Variants in PDK1 observed in about 807,000 individuals in gnomAD.
PDK1 encodes the protein pyruvate dehydrogenase kinase 1.
In PDK1, 39 loss-of-function variants were observed where a neutral mutation model predicts 54.2. The observed-to-expected ratio is 0.72, with a 90% CI of 0.56 to 0.94. The LOEUF is 0.94. PDK1 is among the 40% of genes least tolerant of loss of function. The probability of loss-of-function intolerance (pLI) is 0.00; values close to 1 mark genes in which losing one functional copy is unlikely to be tolerated. For synonymous variants in PDK1, 221 were observed against 207.1 expected (o/e 1.07, Z -0.58); for missense variants, 552 against 566.0 (o/e 0.98, Z 0.25).
chr2:172,699,741 T>C, the PDK1 span, among the ~76,000 whole-genome samples: 1 of 150,932 alleles, frequency 6.6e-6, no homozygotes, highest in African/African-American at 2.4e-5. Flanking sequence ...TTTCTTTTTC[T>C]TTTTCTTTTT....
chr2:172,717,060 T>C, the PDK1 span, among the ~76,000 whole-genome samples: 1 of 152,208 alleles, frequency 6.6e-6, no homozygotes, highest in African/African-American at 2.4e-5. Context: ...GCACTTCCTG[T>C]TATTCACAGC....
chr2:172,589,882 C>A (rs1448829035), intron 9 of PDK1, among the ~76,000 whole-genome samples: 5 of 152,144 alleles, frequency 3.3e-5, no homozygotes, highest in Non-Finnish European at 5.9e-5. Flanking sequence ...ATTCTGGATA[C>A]TGGGACCAAA....
At chr2:172,617,586 G>A in the PDK1 span, among the ~76,000 whole-genome samples, 2 of 152,162 alleles carry the variant, frequency 1.3e-5, no homozygotes, top group East Asian at 1.9e-4. Context: ...AGAAGACCGA[G>A]ACAGCAAACC....
At chr2:172,590,350 T>C (rs908612088) in intron 9 of PDK1, among the ~76,000 whole-genome samples, 12 of 152,170 alleles carry the variant, frequency 7.9e-5, no homozygotes, top group African/African-American at 2.7e-4. Context: ...CTGCGGACCC[T>C]CATGGTGAGT....
rs1219316528 is a variant in PDK1 at position 172,602,739 on chromosome 2, A to G, written c.*6770A>G. On this transcript the variant is annotated 3_prime_UTR_variant, in exon 11 of 11. Coordinates refer to ENST00000282077, the MANE Select transcript of PDK1 (RefSeq NM_002610.5). ...CTGTGTTTGGGTAAACATTAGACTT[A>G]TAAAAGGGCCTAGGGTTTTTTTGTT... 1 of 152,214 alleles carries G rather than the reference A, an allele frequency of 6.6e-6. No individual in the cohort carries two copies. Among genetic ancestry groups the G allele is most frequent in the East Asian group, 1.9e-4 (1 of 5,198 alleles). 9.4% of individuals were successfully genotyped at this position (152,214 alleles called of 1,614,324 possible). A position where few individuals can be genotyped will look rare whatever the true frequency, so the allele number is the denominator to read the frequency against.
chr2:172,606,793 C>A lies in PDK1; in HGVS notation c.*10824C>A, dbSNP rs527721982. 1.1e-4 allele frequency: 16 copies of A among 151,128 alleles called. No homozygotes were observed. The highest frequency in any genetic ancestry group is 3.6e-4 in the African/African-American group (15 of 41,112). The allele number at this position is 151,128 out of a possible 1,614,324, so 9.4% of individuals were successfully genotyped here. ...GAAGTTCACATGACCTACAACTAAC[C>A]ATTTTAAAGTGTAATTCAGTGTCAT... On this transcript the variant is annotated 3_prime_UTR_variant, in exon 11 of 11. Coordinates refer to ENST00000282077, the MANE Select transcript of PDK1 (RefSeq NM_002610.5).
At chr2:172,715,470 A>T in the PDK1 span, among the ~76,000 whole-genome samples, 1 of 152,170 alleles carries the variant, frequency 6.6e-6, no homozygotes, top group Non-Finnish European at 1.5e-5. Context: ...TCTGAGGCCC[A>T]CCACTATGTA....
the PDK1 span, among the ~76,000 whole-genome samples, chr2:172,614,825 C>G: frequency 6.6e-6 from 1 of 152,194 alleles, no homozygotes; most frequent in African/African-American, 2.4e-5. Flanking sequence ...CCCAGAGATC[C>G]TGTAACAATA....
At chr2:172,668,278 ATTTT>A in the PDK1 span, among the ~76,000 whole-genome samples, 1 of 141,476 alleles carries the variant, frequency 7.1e-6, no homozygotes, top group African/African-American at 2.6e-5. Context: ...TTCTTTCTTT[ATTTT>A]TTTTTTTTTT....
the PDK1 span, among the ~76,000 whole-genome samples, chr2:172,660,710 C>T: frequency 6.6e-6 from 1 of 151,970 alleles, no homozygotes. Flanking sequence ...TGGGGGCAGC[C>T]CTGGTCGAAG....
the PDK1 span, chr2:172,674,648 G>A: frequency 2.0e-5 from 3 of 152,358 alleles, no homozygotes; most frequent in African/African-American, 7.2e-5. Context: ...ACTTCCCGAT[G>A]AAGATTTTCT....
chr2:172,573,667 A>G (rs1441785435), intron 8 of PDK1, among the ~76,000 whole-genome samples: 1 of 151,854 alleles, frequency 6.6e-6, no homozygotes. Context: ...CTCTAGATAT[A>G]TATATATGTA....
the PDK1 span, among the ~76,000 whole-genome samples, chr2:172,684,847 G>A: frequency 6.6e-6 from 1 of 152,076 alleles, no homozygotes; most frequent in Non-Finnish European, 1.5e-5. Context: ...GATATGGTTT[G>A]GCTCCATGTC....
the PDK1 span, among the ~76,000 whole-genome samples, chr2:172,672,048 G>A: frequency 1.3e-5 from 2 of 152,218 alleles, no homozygotes; most frequent in Non-Finnish European, 2.9e-5. Flanking sequence ...GTTGGTAGAA[G>A]TGGGAATCTT....
At chr2:172,643,810 C>T in the PDK1 span, among the ~76,000 whole-genome samples, 1 of 152,300 alleles carries the variant, frequency 6.6e-6, no homozygotes, top group East Asian at 1.9e-4. Flanking sequence ...TAAATTCCAG[C>T]CTGGCTCCCT....
the PDK1 span, among the ~76,000 whole-genome samples, chr2:172,660,265 T>C: frequency 1.5e-5 from 2 of 131,540 alleles, no homozygotes; most frequent in African/African-American, 5.6e-5. Flanking sequence ...TTTTTTTTTT[T>C]TTTTTTTTGG....
the PDK1 span, among the ~76,000 whole-genome samples, chr2:172,665,598 C>T: frequency 9.8e-5 from 15 of 152,306 alleles, no homozygotes; most frequent in East Asian, 2.9e-3. Flanking sequence ...CCTGAAGCCC[C>T]TTAACCTCAC....
intron 10 of PDK1, among the ~76,000 whole-genome samples, chr2:172,594,037 CTTTTTTTTTT>C (rs35036603): frequency 7.4e-6 from 1 of 134,794 alleles, no homozygotes; most frequent in Non-Finnish European, 1.6e-5. Context: ...CAATGTTTTT[CTTTTTTTTTT>C]TTTTTTGAGA....
chr2:172,577,126 T>C (rs976558700), intron 8 of PDK1, among the ~76,000 whole-genome samples: 21 of 152,196 alleles, frequency 1.4e-4, no homozygotes, highest in Non-Finnish European at 8.8e-5. Context: ...TTTGGAGCTC[T>C]GTTGAGTACA....
Sources: allele counts gnomAD v4.1 joint callset (sites outside exome capture counted in the v4.1 genomes callset), GRCh38; gene constraint gnomAD v4.1.1; transcripts MANE v1.5; gene names NCBI Gene and HGNC (gene_info 2026-07-23, HGNC 2026-07-21).